SLC1A3: variants seen among roughly 807,000 people sequenced by gnomAD.
The protein encoded by SLC1A3 is excitatory amino acid transporter 1.
In SLC1A3, 21 loss-of-function variants were observed where a neutral mutation model predicts 48.1. That is an observed-to-expected ratio of 0.44 (90% CI 0.31 to 0.63). The LOEUF (loss-of-function observed/expected upper bound fraction) is 0.63. SLC1A3 is among the 20% of genes least tolerant of loss of function. The pLI is 0.08. For missense variants in SLC1A3, 546 were observed against 689.0 expected (o/e 0.79, Z 2.32); for synonymous variants, 239 against 251.4 (o/e 0.95, Z 0.47).
chr5:36,682,004 TTC>T (rs2111976288), intron 8 of SLC1A3, among the ~76,000 whole-genome samples: 1 of 152,334 alleles, frequency 6.6e-6, no homozygotes, highest in Non-Finnish European at 1.5e-5. Context: ...TGCTTCTTCT[TTC>T]TCTTTCTCTG....
chr5:36,678,269 A>C (rs1050566828), intron 6 of SLC1A3, among the ~76,000 whole-genome samples: 2 of 152,212 alleles, frequency 1.3e-5, no homozygotes, highest in African/African-American at 4.8e-5. Flanking sequence ...GATGGATATG[A>C]ACTTGGGCAC....
In SLC1A3 at chr5:36,674,238, A is replaced by C. The variant is rs540430171; in HGVS notation, c.567+147A>C. 38 of 712,270 alleles carry C rather than the reference A, an allele frequency of 5.3e-5. No individual in the cohort carries two copies. The African/African-American group carries it at 6.8e-4, about 13-fold the overall frequency. The allele number at this position is 712,270 out of a possible 1,614,324, so 44.1% of individuals were successfully genotyped here. On this transcript the variant is annotated intron_variant, in intron 5 of 9. Transcript: ENST00000265113. The stretch of plus-strand genomic sequence containing the variant: ...TTAAAAACACTAGCGTTTTCTAGGA[A>C]TTTTGGGGGGAAAGGATGGTTCTTA...
intron 1 of SLC1A3, among the ~76,000 whole-genome samples, chr5:36,599,302 C>T (rs1006708430): frequency 6.6e-6 from 1 of 152,164 alleles, no homozygotes; most frequent in Non-Finnish European, 1.5e-5. Context: ...CTGGTCTGGA[C>T]TCTGCCATTT....
intron 2 of SLC1A3, among the ~76,000 whole-genome samples, chr5:36,628,924 G>A (rs1018571320): frequency 3.9e-5 from 6 of 152,276 alleles, no homozygotes; most frequent in Admixed American, 3.3e-4. Flanking sequence ...AGAAAATGTG[G>A]TGTGAAGACA....
chr5:36,623,318 C>T (rs1253937785), intron 2 of SLC1A3, among the ~76,000 whole-genome samples: 1 of 152,138 alleles, frequency 6.6e-6, no homozygotes, highest in African/African-American at 2.4e-5. Flanking sequence ...TATTGTATAA[C>T]ATCACCTAGA....
chr5:36,617,415 C>CTT lies in SLC1A3; in HGVS notation c.181+8832_181+8833dup, dbSNP rs34710652. Among the ~76,000 whole-genome samples the CTT allele has an allele frequency of 4.6e-3, 265 of 57,642 alleles. 1 individual carries two copies. The highest frequency in any genetic ancestry group is 0.011 in the African/African-American group (168 of 15,424). The allele number at this position is 57,642 out of a possible 152,430, so 37.8% of individuals were successfully genotyped here. A position where few individuals can be genotyped will look rare whatever the true frequency, so the allele number is the denominator to read the frequency against. On this transcript the variant is annotated intron_variant, in intron 2 of 9. Transcript: ENST00000265113. Reference sequence around the variant, plus strand: ...AGAAAGAGGGAGAAAAGGTTGCGGGCTTTTTTTTTTTTTTTTTTTTTTGGC... The same window carrying CTT: ...AGAAAGAGGGAGAAAAGGTTGCGGGCTTTTTTTTTTTTTTTTTTTTTTTTGGC...
intron 2 of SLC1A3, among the ~76,000 whole-genome samples, chr5:36,625,419 T>C (rs541043122): frequency 6.6e-6 from 1 of 152,194 alleles, no homozygotes; most frequent in Non-Finnish European, 1.5e-5. Flanking sequence ...ATTGTGCCAC[T>C]GCACTCCAGC....
intron 3 of SLC1A3, among the ~76,000 whole-genome samples, chr5:36,662,704 G>T (rs942653393): frequency 1.3e-5 from 2 of 152,248 alleles, no homozygotes; most frequent in Non-Finnish European, 2.9e-5. Context: ...GTGAATTTCG[G>T]AGCTGCCCCT....
chr5:36,627,495 TAA>T (rs367790434), intron 2 of SLC1A3, among the ~76,000 whole-genome samples: 1 of 144,056 alleles, frequency 6.9e-6, no homozygotes, highest in Non-Finnish European at 1.5e-5. Context: ...AAAACTACAC[TAA>T]AAAAAAAAAA....
chr5:36,611,751 C>T (rs1371374221), intron 2 of SLC1A3, among the ~76,000 whole-genome samples: 2 of 152,152 alleles, frequency 1.3e-5, no homozygotes, highest in Admixed American at 6.5e-5. Flanking sequence ...TGTCTTTCTT[C>T]CTCCAGAAAG....
At chr5:36,622,637 A>G (rs1739722055) in intron 2 of SLC1A3, among the ~76,000 whole-genome samples, 1 of 152,154 alleles carries the variant, frequency 6.6e-6, no homozygotes, top group South Asian at 2.1e-4. Context: ...GAGTAAACCT[A>G]TGATATCTTC....
intron 8 of SLC1A3, among the ~76,000 whole-genome samples, chr5:36,681,031 T>A (rs1473354085): frequency 6.6e-6 from 1 of 152,180 alleles, no homozygotes; most frequent in Non-Finnish European, 1.5e-5. Flanking sequence ...TTTAGGTATT[T>A]TAATTGGTTT....
intron 2 of SLC1A3, among the ~76,000 whole-genome samples, chr5:36,616,815 G>C (rs1394650367): frequency 6.6e-6 from 1 of 152,214 alleles, no homozygotes; most frequent in Middle Eastern, 3.2e-3. Context: ...GCTACTTGAT[G>C]AATGTGAAGA....
chr5:36,604,403 T>A (rs542050914), upstream of SLC1A3, among the ~76,000 whole-genome samples: 10 of 152,060 alleles, frequency 6.6e-5, no homozygotes, highest in South Asian at 2.1e-3. Flanking sequence ...AAGGTAGAAA[T>A]ACGCGTTGAG....
chr5:36,686,889 A>G lies in SLC1A3; in HGVS notation c.*620A>G, dbSNP rs1742672571. The G allele has an allele frequency of 6.3e-6, 1 of 159,918 alleles. No homozygotes were observed. Among genetic ancestry groups the G allele is most frequent in the South Asian group, 1.8e-4 (1 of 5,520 alleles). The allele number at this position is 159,918 out of a possible 1,614,324, so 9.9% of individuals were successfully genotyped here. On this transcript the variant is annotated 3_prime_UTR_variant, in exon 10 of 10. Transcript: ENST00000265113. ...CCTCAGTGTCCTCATCTATAAAATG[A>G]GGGACTTCCCTAGAAGTCTTCATGG...
intron 3 of SLC1A3, among the ~76,000 whole-genome samples, chr5:36,653,945 G>C (rs1741188771): frequency 6.6e-6 from 1 of 152,236 alleles, no homozygotes; most frequent in Non-Finnish European, 1.5e-5. Context: ...CTGAGTTCAA[G>C]TGATTCTCCT....
chr5:36,613,967 C>T (rs561521728), intron 2 of SLC1A3, among the ~76,000 whole-genome samples: 4 of 152,222 alleles, frequency 2.6e-5, no homozygotes, highest in Non-Finnish European at 5.9e-5. Flanking sequence ...CCCTCTCCCA[C>T]CTTCTCCAAA....
intron 3 of SLC1A3, among the ~76,000 whole-genome samples, chr5:36,634,287 T>TATAA (rs60704367): frequency 0.011 from 1,606 of 149,972 alleles, 13 homozygotes; most frequent in South Asian, 0.029. Context: ...AAAAAAGAAA[T>TATAA]ATAAATAAAT....
intron 2 of SLC1A3, among the ~76,000 whole-genome samples, chr5:36,615,081 C>A (rs1739375716): frequency 6.6e-6 from 1 of 152,140 alleles, no homozygotes. Flanking sequence ...TTCTGTTGCA[C>A]TCTCTGTAGC....
Sources: gnomAD v4.1 joint callset for allele counts (sites outside exome capture counted in the v4.1 genomes callset) on GRCh38, gnomAD v4.1.1 for gene constraint, MANE v1.5 for transcripts, NCBI Gene and HGNC (gene_info 2026-07-23, HGNC 2026-07-21) for gene names.